NRG3: variants seen among roughly 807,000 people sequenced by gnomAD.
NRG3 encodes neuregulin 3.
NRG3 carries 31 observed loss-of-function variants against 66.9 expected under a neutral mutation model. That is an observed-to-expected ratio of 0.46 (90% CI 0.35 to 0.63). The LOEUF is 0.63. Among genes scored for constraint, NRG3 ranks in the 20% least tolerant of loss-of-function variants. The pLI is 0.00. For synonymous variants in NRG3, 393 were observed against 359.4 expected (o/e 1.09, Z -1.06); for missense variants, 910 against 878.9 (o/e 1.04, Z -0.45).
chr10:82,223,919 T>C (rs2076056536), intron 1 of NRG3, among the ~76,000 whole-genome samples: 1 of 152,134 alleles, frequency 6.6e-6, no homozygotes, highest in Admixed American at 6.5e-5. Context: ...TCACAACCTG[T>C]AAGAGATACA....
intron 1 of NRG3, among the ~76,000 whole-genome samples, chr10:82,292,415 C>A (rs537499753): frequency 1.3e-5 from 2 of 152,182 alleles, no homozygotes; most frequent in East Asian, 3.9e-4. Context: ...CTCTGGAAAA[C>A]AGTTTGCCAA....
intron 1 of NRG3, among the ~76,000 whole-genome samples, chr10:82,045,479 A>G (rs1207681021): frequency 4.8e-5 from 3 of 62,436 alleles, no homozygotes; most frequent in African/African-American, 1.2e-4. Flanking sequence ...CCTTTGTCAG[A>G]TGAGTAGGTT....
chr10:82,395,715 T>C (rs1589974374), intron 2 of NRG3, among the ~76,000 whole-genome samples: 1 of 152,118 alleles, frequency 6.6e-6, no homozygotes, highest in Non-Finnish European at 1.5e-5. Flanking sequence ...TCCATCCATC[T>C]ATCCACCCAT....
chr10:82,487,546 T>A (rs922279320), intron 2 of NRG3, among the ~76,000 whole-genome samples: 1 of 152,174 alleles, frequency 6.6e-6, no homozygotes, highest in African/African-American at 2.4e-5. Context: ...AGGTTAAACA[T>A]GTCATCATGA....
intron 6 of NRG3, among the ~76,000 whole-genome samples, chr10:82,969,442 T>G (rs1284195997): frequency 6.6e-6 from 1 of 152,204 alleles, no homozygotes; most frequent in Admixed American, 6.5e-5. Context: ...ATTTCCATTA[T>G]GTATTGGATC....
At chr10:82,042,276 C>T (rs1037446389) in intron 1 of NRG3, among the ~76,000 whole-genome samples, 2 of 151,914 alleles carry the variant, frequency 1.3e-5, no homozygotes, top group South Asian at 2.1e-4. Context: ...TTTCCAATGG[C>T]GATGGCATTT....
chr10:82,646,584 G>A (rs1591004406), intron 2 of NRG3, among the ~76,000 whole-genome samples: 1 of 152,090 alleles, frequency 6.6e-6, no homozygotes, highest in Non-Finnish European at 1.5e-5. Context: ...GCTAGATGTT[G>A]GTTAAAGACG....
At chr10:82,136,398 G>T (rs1278957210) in intron 1 of NRG3, among the ~76,000 whole-genome samples, 1 of 151,702 alleles carries the variant, frequency 6.6e-6, no homozygotes, top group Non-Finnish European at 1.5e-5. Context: ...CCAGCCAGGC[G>T]TGTGTCCTTC....
intron 1 of NRG3, among the ~76,000 whole-genome samples, chr10:82,236,173 A>G (rs529570418): frequency 6.6e-6 from 1 of 152,346 alleles, no homozygotes; most frequent in East Asian, 1.9e-4. Flanking sequence ...AAGATACAAA[A>G]GATGACCTTT....
chr10:82,240,845 C>T (rs917360825), intron 1 of NRG3, among the ~76,000 whole-genome samples: 10 of 152,118 alleles, frequency 6.6e-5, no homozygotes, highest in African/African-American at 2.4e-4. Flanking sequence ...CTCAGTGCTC[C>T]AATTTTGTGG....
chr10:82,102,133 C>CATATATATATAT lies in NRG3; in HGVS notation c.823+225993_823+226004dup, dbSNP rs369498870. On this transcript the variant is annotated intron_variant, in intron 1 of 8. Coordinates refer to ENST00000372141, the MANE Select transcript of NRG3 (RefSeq NM_001010848.4). ...GTATTCATATATATATATGTGTATT[C>CATATATATATAT]ATATATATATATATATATATATATA... Among the ~76,000 whole-genome samples, 228 of 26,210 alleles carry CATATATATATAT rather than the reference C, an allele frequency of 8.7e-3. 7 individuals carry two copies. Among genetic ancestry groups the CATATATATATAT allele is most frequent in the East Asian group, 0.013 (13 of 968 alleles). The allele number at this position is 26,210 out of a possible 152,430, so 17.2% of individuals were successfully genotyped here.
intron 3 of NRG3, among the ~76,000 whole-genome samples, chr10:82,842,286 C>A (rs2063094697): frequency 6.6e-6 from 1 of 152,130 alleles, no homozygotes; most frequent in Admixed American, 6.6e-5. Context: ...GTGTTATATG[C>A]TTGTTTTGAC....
intron 2 of NRG3, among the ~76,000 whole-genome samples, chr10:82,619,986 C>T (rs181106361): frequency 1.8e-4 from 28 of 152,304 alleles, no homozygotes; most frequent in Admixed American, 1.4e-3. Flanking sequence ...ACCCCTTCAT[C>T]GGACTTGTGA....
At chr10:82,486,313 C>G (rs766268188) in intron 2 of NRG3, among the ~76,000 whole-genome samples, 1 of 152,130 alleles carries the variant, frequency 6.6e-6, no homozygotes. Context: ...TATTTGTACT[C>G]CCATATTCAA....
intron 2 of NRG3, among the ~76,000 whole-genome samples, chr10:82,443,068 A>T (rs112670215): frequency 1.8e-3 from 271 of 152,168 alleles, no homozygotes; most frequent in African/African-American, 6.1e-3. Context: ...TTTGAATCTG[A>T]TTTTCAGAGA....
chr10:82,190,131 A>T (rs1023047845), intron 1 of NRG3, among the ~76,000 whole-genome samples: 2 of 152,156 alleles, frequency 1.3e-5, no homozygotes, highest in Non-Finnish European at 2.9e-5. Flanking sequence ...CCTTTGCCCA[A>T]TTACTTTTAT....
rs548970654 is a variant in NRG3 at position 82,256,547 on chromosome 10, A to C, written c.824-102192A>C. Among the ~76,000 whole-genome samples, 30 of 151,300 alleles carry C rather than the reference A, an allele frequency of 2.0e-4. No homozygotes were observed. The South Asian group carries it at 6.3e-3, about 32-fold the overall frequency. On this transcript the variant is annotated intron_variant, in intron 1 of 8. Transcript: ENST00000372141. ...ACAGGCTTGCACTCCCTCTTTCTCTACCTCTGTGTTTGCTCACACTCTTGC... is the reference window on the plus strand; with the variant it reads ...ACAGGCTTGCACTCCCTCTTTCTCTCCCTCTGTGTTTGCTCACACTCTTGC...
chr10:82,152,889 TTTTC>T (rs1245338699), intron 1 of NRG3, among the ~76,000 whole-genome samples: 1 of 151,574 alleles, frequency 6.6e-6, no homozygotes, highest in Non-Finnish European at 1.5e-5. Flanking sequence ...TTTTTCTTCC[TTTTC>T]TTTCTTCTTT....
At chr10:81,914,442 A>C (rs1845468837) in intron 1 of NRG3, among the ~76,000 whole-genome samples, 1 of 152,014 alleles carries the variant, frequency 6.6e-6, no homozygotes, top group South Asian at 2.1e-4. Context: ...CTCTTAGGAG[A>C]CTTGAATTGG....
Sources: gnomAD v4.1 joint callset for allele counts (sites outside exome capture counted in the v4.1 genomes callset) on GRCh38, gnomAD v4.1.1 for gene constraint, MANE v1.5 for transcripts, NCBI Gene and HGNC (gene_info 2026-07-23, HGNC 2026-07-21) for gene names.